Variants in SOS1 observed in about 807,000 individuals in gnomAD.
SOS1 encodes the protein SOS Ras/Rac guanine nucleotide exchange factor 1.
A neutral mutation model predicts 157.6 loss-of-function variants in SOS1; 25 were observed. The ratio of observed to expected loss-of-function variants is 0.16; its 90% CI spans 0.12 to 0.22. The LOEUF is 0.22. Ranked by LOEUF, SOS1 falls within the 10% of genes least tolerant of loss-of-function variation. The pLI is 1.00. For synonymous variants in SOS1, 528 were observed against 534.0 expected, an observed-to-expected ratio of 0.99 and a Z score of 0.16; for missense variants, 1,237 against 1,599.1, an observed-to-expected ratio of 0.77 and a Z score of 3.86.
chr2:38,995,932 C>T (rs539282718), intron 19 of SOS1, among the ~76,000 whole-genome samples: 10 of 152,200 alleles, frequency 6.6e-5, no homozygotes, highest in African/African-American at 1.9e-4. Context: ...AGATTATATA[C>T]CTATTTATAA....
At chr2:39,067,580 AAC>A (rs1671633211) in intron 2 of SOS1, 46 bp downstream of exon 2, 2 of 1,562,472 alleles carry the variant, frequency 1.3e-6, no homozygotes, top group Non-Finnish European at 1.8e-6. Context: ...CATTACAACC[AAC>A]ACACAAATTA....
chr2:39,068,497 C>A (rs1671668663), intron 1 of SOS1, among the ~76,000 whole-genome samples: 1 of 152,182 alleles, frequency 6.6e-6, no homozygotes, highest in Non-Finnish European at 1.5e-5. Flanking sequence ...AGGGGCATGT[C>A]TCATCAAGTT....
chr2:39,036,193 G>C (rs1189463397), intron 6 of SOS1, among the ~76,000 whole-genome samples: 1 of 150,738 alleles, frequency 6.6e-6, no homozygotes, highest in Non-Finnish European at 1.5e-5. Flanking sequence ...TTATGAAAAT[G>C]GTGCTCTAGA....
At chr2:39,095,927 A>C (rs1443625619) in intron 1 of SOS1, among the ~76,000 whole-genome samples, 3 of 152,202 alleles carry the variant, frequency 2.0e-5, no homozygotes, top group African/African-American at 4.8e-5. Flanking sequence ...TTTAGTGTTT[A>C]ATAGCATTTT....
chr2:39,009,162 C>T (rs1669379881), intron 15 of SOS1, among the ~76,000 whole-genome samples: 1 of 151,272 alleles, frequency 6.6e-6, no homozygotes, highest in Admixed American at 6.6e-5. Flanking sequence ...GAGATAGAAA[C>T]TATAAAAAGG....
At chr2:39,068,323 A>C (rs903876241) in intron 1 of SOS1, among the ~76,000 whole-genome samples, 2 of 152,208 alleles carry the variant, frequency 1.3e-5, no homozygotes, top group Non-Finnish European at 2.9e-5. Context: ...GAAATGGGGA[A>C]AGGAAGAGAG....
At chr2:39,034,335 TAC>T (rs1415340563) in intron 8 of SOS1, among the ~76,000 whole-genome samples, 1 of 152,200 alleles carries the variant, frequency 6.6e-6, no homozygotes, top group African/African-American at 2.4e-5. Context: ...ATTGATTCAT[TAC>T]AGAGAGCCCA....
At chr2:39,045,044 G>A (rs1670714224) in intron 6 of SOS1, among the ~76,000 whole-genome samples, 2 of 152,208 alleles carry the variant, frequency 1.3e-5, no homozygotes, top group Non-Finnish European at 2.9e-5. Flanking sequence ...TATGTAAAGA[G>A]TTGTTATACT....
At chr2:39,039,640 T>C (rs1670488715) in intron 6 of SOS1, among the ~76,000 whole-genome samples, 1 of 151,896 alleles carries the variant, frequency 6.6e-6, no homozygotes, top group Non-Finnish European at 1.5e-5. Flanking sequence ...TACATTTTAA[T>C]TTATAGTTTT....
At chr2:39,050,080 T>C (rs1007757323) in intron 6 of SOS1, among the ~76,000 whole-genome samples, 3 of 152,224 alleles carry the variant, frequency 2.0e-5, no homozygotes, top group South Asian at 2.1e-4. Context: ...TTATTACTTA[T>C]GTGTGTTTGG....
At chr2:38,989,776 C>T (rs1668675020) in intron 20 of SOS1, among the ~76,000 whole-genome samples, 1 of 152,012 alleles carries the variant, frequency 6.6e-6, no homozygotes, top group Non-Finnish European at 1.5e-5. Flanking sequence ...ATTCTCATCA[C>T]AAAATAACTA....
chr2:39,113,613 C>G (rs577824186), intron 1 of SOS1, among the ~76,000 whole-genome samples: 5 of 152,160 alleles, frequency 3.3e-5, no homozygotes, highest in African/African-American at 9.6e-5. Flanking sequence ...TTTAACTTTC[C>G]AAACCTTGAT....
At chr2:39,002,333 G>A (rs4563206) in intron 17 of SOS1, among the ~76,000 whole-genome samples, 117,945 of 150,798 alleles carry the variant, frequency 0.78, 49,357 homozygotes, top group Non-Finnish European at 0.92. Context: ...TAAAAAAAAA[G>A]AGAACATGTT....
At chr2:39,113,989 T>C (rs1673542070) in intron 1 of SOS1, among the ~76,000 whole-genome samples, 1 of 152,256 alleles carries the variant, frequency 6.6e-6, no homozygotes. Flanking sequence ...AAAACTGCTC[T>C]GACATAGTGA....
intron 6 of SOS1, among the ~76,000 whole-genome samples, chr2:39,040,074 T>C (rs1158526755): frequency 6.6e-6 from 1 of 152,000 alleles, no homozygotes. Flanking sequence ...TGCAGTGGCG[T>C]GACCTCGGCT....
rs187325803 is a variant in SOS1, at chr2:39,026,248, G to A, written c.1075-2111C>T. Among the ~76,000 whole-genome samples the A allele has an allele frequency of 8.7e-4, 132 of 151,982 alleles. 1 individual carries two copies. Among genetic ancestry groups the A allele is most frequent in the Non-Finnish European group, 4.1e-4 (28 of 67,960 alleles). On this transcript the variant is annotated intron_variant, in intron 8 of 22. Coordinates refer to ENST00000402219, the MANE Select transcript of SOS1 (RefSeq NM_005633.4). The stretch of plus-strand genomic sequence containing the variant: ...CACACGCCTGTAGTCCCAGCTACTC[G>A]GGAGGCTGAGGCAGAAGAATCGCCT...
At chr2:39,093,447 T>G (rs1396838622) in intron 1 of SOS1, among the ~76,000 whole-genome samples, 3 of 152,106 alleles carry the variant, frequency 2.0e-5, no homozygotes, top group Non-Finnish European at 4.4e-5. Flanking sequence ...CATAAAGGTG[T>G]TGAGTCTTTC....
intron 1 of SOS1, among the ~76,000 whole-genome samples, chr2:39,097,440 G>C (rs1166826653): frequency 6.6e-6 from 1 of 152,148 alleles, no homozygotes; most frequent in Non-Finnish European, 1.5e-5. Context: ...AAGACTTTCT[G>C]ATTCAGAAAC....
At chr2:39,063,219 C>A (rs1671472439) in intron 2 of SOS1, among the ~76,000 whole-genome samples, 1 of 152,008 alleles carries the variant, frequency 6.6e-6, no homozygotes, top group Admixed American at 6.6e-5. Context: ...AACTCCTGGG[C>A]TCAAGTGATC....
Sources: gnomAD v4.1 joint callset for allele counts (sites outside exome capture counted in the v4.1 genomes callset) on GRCh38, gnomAD v4.1.1 for gene constraint, MANE v1.5 for transcripts, NCBI Gene and HGNC (gene_info 2026-07-23, HGNC 2026-07-21) for gene names.